The following TMEM161B variants were observed in gnomAD, a reference collection of about 807,000 sequenced individuals.
TMEM161B encodes transmembrane protein 161B.
A neutral mutation model predicts 61.8 loss-of-function variants in TMEM161B; 34 were observed. That is an observed-to-expected ratio of 0.55 (90% CI 0.42 to 0.73). TMEM161B has a LOEUF of 0.73. Ranked by LOEUF, TMEM161B falls within the 30% of genes least tolerant of loss-of-function variation. The probability of loss-of-function intolerance (pLI) is 0.00; values close to 1 mark genes in which losing one functional copy is unlikely to be tolerated. For synonymous variants in TMEM161B, 167 were observed against 192.8 expected, an observed-to-expected ratio of 0.87 and a Z score of 1.11; for missense variants, 456 against 558.5, an observed-to-expected ratio of 0.82 and a Z score of 1.85.
intron 1 of TMEM161B, among the ~76,000 whole-genome samples, chr5:88,255,460 A>G (rs1232673282): frequency 1.3e-5 from 2 of 152,222 alleles, no homozygotes; most frequent in Non-Finnish European, 2.9e-5. Flanking sequence ...GCAGCTAAAG[A>G]ATAAGAACAC....
chr5:88,256,302 C>G (rs1293259730), intron 1 of TMEM161B, among the ~76,000 whole-genome samples: 1 of 152,158 alleles, frequency 6.6e-6, no homozygotes, highest in Non-Finnish European at 1.5e-5. Flanking sequence ...TAACAAGCCA[C>G]TTAATCTCTA....
At chr5:88,187,609 C>T (rs1424796381), downstream of TMEM161B, among the ~76,000 whole-genome samples, 8 of 152,174 alleles carry the variant, frequency 5.3e-5, no homozygotes, top group East Asian at 1.5e-3. Flanking sequence ...TTCAAGTGTT[C>T]ATTGCTTGTA....
At chr5:88,228,023 T>C (rs1750351986) in intron 3 of TMEM161B, among the ~76,000 whole-genome samples, 1 of 152,128 alleles carries the variant, frequency 6.6e-6, no homozygotes, top group Admixed American at 6.5e-5. Flanking sequence ...ACAGTTATAT[T>C]GTCCCTCCCT....
At chr5:88,203,590 T>C (rs1020421446) in intron 8 of TMEM161B, among the ~76,000 whole-genome samples, 1 of 151,686 alleles carries the variant, frequency 6.6e-6, no homozygotes, top group African/African-American at 2.4e-5. Context: ...AGAAGGCATA[T>C]GGCAGACGGA....
chr5:88,225,093 G>A (rs1444348105), intron 4 of TMEM161B, among the ~76,000 whole-genome samples: 2 of 149,322 alleles, frequency 1.3e-5, no homozygotes, highest in East Asian at 2.0e-4. Context: ...TCAGCTCCCT[G>A]AGTAGCTGGG....
intron 5 of TMEM161B, among the ~76,000 whole-genome samples, chr5:88,218,518 TG>T (rs1748336286): frequency 6.6e-6 from 1 of 152,152 alleles, no homozygotes; most frequent in East Asian, 1.9e-4. Context: ...CTGGGCGCAA[TG>T]GCTTACACCT....
At chr5:88,190,160 A>T (rs1395863810), downstream of TMEM161B, 5 of 700,848 alleles carry the variant, frequency 7.1e-6, no homozygotes, top group African/African-American at 1.7e-5. Flanking sequence ...TGTTACCTCC[A>T]CACTTTGGCA....
At chr5:88,241,853 T>C (rs1300058736) in intron 1 of TMEM161B, among the ~76,000 whole-genome samples, 1 of 151,698 alleles carries the variant, frequency 6.6e-6, no homozygotes, top group Non-Finnish European at 1.5e-5. Context: ...ATAGATACAA[T>C]CAAATGGGAA....
downstream of TMEM161B, among the ~76,000 whole-genome samples, chr5:88,193,715 C>G (rs1233054453): frequency 6.6e-6 from 1 of 152,112 alleles, no homozygotes; most frequent in Non-Finnish European, 1.5e-5. Flanking sequence ...AAAATAATAA[C>G]TTCAATTTTA....
chr5:88,225,392 C>T (rs968369546), intron 4 of TMEM161B, among the ~76,000 whole-genome samples: 1 of 152,106 alleles, frequency 6.6e-6, no homozygotes, highest in Non-Finnish European at 1.5e-5. Context: ...TAAAAGTAGG[C>T]ACCCCAACCC....
intron 8 of TMEM161B, among the ~76,000 whole-genome samples, chr5:88,203,614 A>T (rs1744822471): frequency 6.6e-6 from 1 of 151,512 alleles, no homozygotes. Context: ...TACTGCAACA[A>T]CCCGCAACTG....
chr5:88,242,350 A>G (rs1752881815), intron 1 of TMEM161B, among the ~76,000 whole-genome samples: 1 of 147,326 alleles, frequency 6.8e-6, no homozygotes, highest in African/African-American at 2.4e-5. Context: ...GGTACACCAT[A>G]TTCCTTGCTT....
intron 2 of TMEM161B, among the ~76,000 whole-genome samples, chr5:88,229,751 T>TC (rs1561373902): frequency 6.7e-6 from 1 of 150,148 alleles, no homozygotes; most frequent in African/African-American, 2.5e-5. Context: ...CAATTGCTGT[T>TC]CCCCCCGTCC....
At chr5:88,208,285 C>A (rs1321650143) in intron 5 of TMEM161B, among the ~76,000 whole-genome samples, 1 of 151,416 alleles carries the variant, frequency 6.6e-6, no homozygotes, top group Non-Finnish European at 1.5e-5. Context: ...AGATCGAGAC[C>A]ATGCTGGCTA....
chr5:88,192,209 C>T (rs376251334), downstream of TMEM161B, among the ~76,000 whole-genome samples: 2 of 150,958 alleles, frequency 1.3e-5, no homozygotes, highest in East Asian at 3.9e-4. Context: ...GAACAGTAAC[C>T]ACATGCAGGG....
downstream of TMEM161B, among the ~76,000 whole-genome samples, chr5:88,189,206 G>T (rs1748556437): frequency 6.6e-6 from 1 of 152,070 alleles, no homozygotes; most frequent in Non-Finnish European, 1.5e-5. Context: ...TAAACAAAAA[G>T]ACTATTTTAA....
chr5:88,221,899 T>A, intron 4 of TMEM161B: 1 of 339,968 alleles, frequency 2.9e-6, no homozygotes, highest in Non-Finnish European at 5.9e-6. Flanking sequence ...ACGATATCCT[T>A]ATAGAAAAAG....
At chr5:88,243,918 C>T (rs999967895) in intron 1 of TMEM161B, among the ~76,000 whole-genome samples, 1 of 151,766 alleles carries the variant, frequency 6.6e-6, no homozygotes, top group African/African-American at 2.4e-5. Context: ...TGTTTGTGTT[C>T]CTTGCCCACT....
chr5:88,199,723 T>G (rs1448091713), intron 9 of TMEM161B: 1 of 152,090 alleles, frequency 6.6e-6, no homozygotes, highest in Non-Finnish European at 1.5e-5. Context: ...TTCCTCAAGG[T>G]TAAGGTTAAG....
Sources: gnomAD v4.1 joint callset for allele counts (sites outside exome capture counted in the v4.1 genomes callset) on GRCh38, gnomAD v4.1.1 for gene constraint, MANE v1.5 for transcripts, NCBI Gene and HGNC (gene_info 2026-07-23, HGNC 2026-07-21) for gene names.